The following SPIDR variants were observed in gnomAD, a reference collection of about 807,000 sequenced individuals.
SPIDR encodes DNA repair-scaffolding protein.
In SPIDR, 93 loss-of-function variants were observed where a neutral mutation model predicts 104.6. That is an observed-to-expected ratio of 0.89 (90% CI 0.75 to 1.06). The LOEUF is 1.06. Among genes scored for constraint, SPIDR ranks in the 50% least tolerant of loss-of-function variants. SPIDR has a pLI of 0.00. For missense variants in SPIDR, 1,154 were observed against 1,111.2 expected, an observed-to-expected ratio of 1.04 and a Z score of -0.55; for synonymous variants, 431 against 416.9, an observed-to-expected ratio of 1.03 and a Z score of -0.41.
chr8:47,671,937 G>C (rs1195009263), intron 10 of SPIDR, among the ~76,000 whole-genome samples: 3 of 152,004 alleles, frequency 2.0e-5, no homozygotes, highest in African/African-American at 7.2e-5. Flanking sequence ...GTCTTGCTTG[G>C]TATTTGTTTG....
At chr8:47,281,147 A>G (rs1343436751) in intron 2 of SPIDR, among the ~76,000 whole-genome samples, 1 of 152,208 alleles carries the variant, frequency 6.6e-6, no homozygotes, top group Non-Finnish European at 1.5e-5. Context: ...AGCAATGTAT[A>G]TACCCTAATT....
chr8:47,348,181 G>A (rs1178530220), intron 5 of SPIDR, among the ~76,000 whole-genome samples: 2 of 152,120 alleles, frequency 1.3e-5, no homozygotes, highest in Non-Finnish European at 2.9e-5. Context: ...TTTCTATAAA[G>A]GATTTTATTT....
At chr8:47,645,488 G>A (rs1273688681) in intron 10 of SPIDR, among the ~76,000 whole-genome samples, 1 of 152,098 alleles carries the variant, frequency 6.6e-6, no homozygotes, top group African/African-American at 2.4e-5. Flanking sequence ...AATTGGATAT[G>A]CGCTTACCGT....
At chr8:47,489,656 A>G (rs1586598038) in intron 8 of SPIDR, among the ~76,000 whole-genome samples, 5 of 152,352 alleles carry the variant, frequency 3.3e-5, no homozygotes, top group African/African-American at 1.2e-4. Context: ...AAACAGAGAT[A>G]CAGACCAATG....
chr8:47,626,459 G>T (rs1227949937), intron 10 of SPIDR, among the ~76,000 whole-genome samples: 1 of 152,156 alleles, frequency 6.6e-6, no homozygotes, highest in Non-Finnish European at 1.5e-5. Flanking sequence ...GCAACCTACA[G>T]AACGGGAGGA....
At chr8:47,481,417 A>T (rs1315799649) in intron 8 of SPIDR, among the ~76,000 whole-genome samples, 1 of 152,116 alleles carries the variant, frequency 6.6e-6, no homozygotes, top group African/African-American at 2.4e-5. Context: ...TGGGCAGATC[A>T]CTTGAGGCCA....
In SPIDR at chr8:47,421,948, T is replaced by A. The variant is rs148790579; in HGVS notation, c.877+13987T>A. Among the ~76,000 whole-genome samples, 5 of 152,316 alleles carry A rather than the reference T, an allele frequency of 3.3e-5. No individual in the cohort carries two copies. In the East Asian group the frequency reaches 9.7e-4, roughly 29 times the overall value. On this transcript the variant is annotated intron_variant, in intron 7 of 19. Transcript: ENST00000297423. ...GCCAATATTGGTGAACAGCAAATGTTGCAGCCTGATTGTTTCTGGAAGTTT... is the reference window on the plus strand; with the variant it reads ...GCCAATATTGGTGAACAGCAAATGTAGCAGCCTGATTGTTTCTGGAAGTTT...
At chr8:47,358,895 TTCTC>T (rs1183551394) in intron 5 of SPIDR, among the ~76,000 whole-genome samples, 1 of 152,100 alleles carries the variant, frequency 6.6e-6, no homozygotes, top group African/African-American at 2.4e-5. Flanking sequence ...CAATTGATTT[TTCTC>T]TCTATTAATA....
At chr8:47,370,711 A>G (rs1587827367) in intron 5 of SPIDR, among the ~76,000 whole-genome samples, 3 of 151,922 alleles carry the variant, frequency 2.0e-5, no homozygotes, top group South Asian at 2.1e-4. Context: ...CAGCCTCCCA[A>G]AGTGCTGTGA....
chr8:47,556,112 C>T (rs779396590), intron 8 of SPIDR, among the ~76,000 whole-genome samples: 1 of 152,120 alleles, frequency 6.6e-6, no homozygotes, highest in African/African-American at 2.4e-5. Flanking sequence ...CAGCCAGGGA[C>T]GATTTTCCAT....
At chr8:47,481,011 T>G (rs529538961) in intron 8 of SPIDR, among the ~76,000 whole-genome samples, 1 of 152,360 alleles carries the variant, frequency 6.6e-6, no homozygotes, top group African/African-American at 2.4e-5. Flanking sequence ...CAAAGCCAGC[T>G]GCCATGATGA....
chr8:47,381,271 T>C (rs2059295064), intron 5 of SPIDR, among the ~76,000 whole-genome samples: 1 of 152,036 alleles, frequency 6.6e-6, no homozygotes, highest in African/African-American at 2.4e-5. Flanking sequence ...GAAGTGAGAG[T>C]GGAAACGCAG....
chr8:47,300,020 G>T (rs1376411529), intron 5 of SPIDR, among the ~76,000 whole-genome samples: 1 of 152,186 alleles, frequency 6.6e-6, no homozygotes, highest in Non-Finnish European at 1.5e-5. Flanking sequence ...AGTTTCAGAA[G>T]GAATGGTACC....
rs911498100 is a variant in SPIDR at position 47,359,053 on chromosome 8, A to T, written c.526-37323A>T. ...GAGACATCTGTTTATAGGATTGAGC[A>T]CAGAGATCTGATTCCCTCCCACCAG... On this transcript the variant is annotated intron_variant, in intron 5 of 19. Coordinates refer to ENST00000297423, the MANE Select transcript of SPIDR (RefSeq NM_001080394.4). 9.2e-5 allele frequency among the ~76,000 whole-genome samples: 14 copies of T among 152,226 alleles called. No individual in the cohort carries two copies. In the East Asian group the frequency reaches 2.7e-3, roughly 29 times the overall value.
chr8:47,301,476 A>T (rs1384488527), intron 5 of SPIDR, among the ~76,000 whole-genome samples: 16 of 152,116 alleles, frequency 1.1e-4, no homozygotes, highest in African/African-American at 3.6e-4. Context: ...TGTGAATTTG[A>T]TCCTGTCATT....
chr8:47,580,588 C>T (rs1021936197), intron 8 of SPIDR, among the ~76,000 whole-genome samples: 2 of 151,730 alleles, frequency 1.3e-5, no homozygotes, highest in Non-Finnish European at 2.9e-5. Context: ...TCTCCTTCCT[C>T]CCATGTCATC....
intron 5 of SPIDR, among the ~76,000 whole-genome samples, chr8:47,310,333 C>CAAAAAA (rs1166703089): frequency 7.3e-5 from 4 of 54,872 alleles, no homozygotes; most frequent in Non-Finnish European, 1.2e-4. Context: ...GACTCCATCT[C>CAAAAAA]AAAAAAAAAA....
intron 8 of SPIDR, among the ~76,000 whole-genome samples, chr8:47,475,620 T>C (rs2076194773): frequency 6.6e-6 from 1 of 152,218 alleles, no homozygotes; most frequent in South Asian, 2.1e-4. Flanking sequence ...GTAACTCTTT[T>C]CTGTGAAAGA....
At chr8:47,668,180 A>G (rs1434435520) in intron 10 of SPIDR, among the ~76,000 whole-genome samples, 1 of 152,198 alleles carries the variant, frequency 6.6e-6, no homozygotes, top group Non-Finnish European at 1.5e-5. Context: ...AAAATTTTCA[A>G]AAGAAAAGGT....
Sources: gnomAD v4.1 joint callset for allele counts (sites outside exome capture counted in the v4.1 genomes callset) on GRCh38, gnomAD v4.1.1 for gene constraint, MANE v1.5 for transcripts, NCBI Gene and HGNC (gene_info 2026-07-23, HGNC 2026-07-21) for gene names.